The following PCDHA10 variants were observed in gnomAD, a reference collection of about 807,000 sequenced individuals.
PCDHA10 encodes the protein protocadherin alpha-10.
Under a neutral mutation model 61.2 loss-of-function variants are expected in PCDHA10, and 45 were observed. The observed-to-expected ratio is 0.74, with a 90% CI of 0.58 to 0.94. The LOEUF is 0.94. PCDHA10 is among the 40% of genes least tolerant of loss of function. The pLI, the probability that PCDHA10 is intolerant of heterozygous loss-of-function variation, is 0.00. For missense variants in PCDHA10, 1,278 were observed against 1,236.2 expected (o/e 1.03, Z -0.51); for synonymous variants, 602 against 548.8 (o/e 1.10, Z -1.35).
At chr5:140,962,348 C>T (rs2095675606) in intron 1 of PCDHA10, among the ~76,000 whole-genome samples, 1 of 152,130 alleles carries the variant, frequency 6.6e-6, no homozygotes, top group South Asian at 2.1e-4. Flanking sequence ...AGTAAAACTC[C>T]CCCCAATACT....
At chr5:140,884,281 G>C in intron 1 of PCDHA10, 4 of 1,613,614 alleles carry the variant, frequency 2.5e-6, no homozygotes, top group Non-Finnish European at 3.4e-6. Flanking sequence ...CGCTGGTGGA[G>C]AGCGGCCAAG....
intron 1 of PCDHA10, among the ~76,000 whole-genome samples, chr5:140,940,904 GT>G (rs1437754574): frequency 6.6e-6 from 1 of 152,188 alleles, no homozygotes; most frequent in Non-Finnish European, 1.5e-5. Context: ...TTTAAATCAA[GT>G]TCAAGACTTG....
At chr5:140,884,559 C>T (rs782174598) in intron 1 of PCDHA10, 2 of 1,614,094 alleles carry the variant, frequency 1.2e-6, no homozygotes, top group Admixed American at 1.7e-5. Context: ...GGGGAGGGCC[C>T]GCATAAGACG....
chr5:140,870,972 G>A, intron 1 of PCDHA10: 2 of 1,613,640 alleles, frequency 1.2e-6, no homozygotes, highest in Non-Finnish European at 1.7e-6. Flanking sequence ...CGTTCCGCGT[G>A]GGGCTGTACA....
intron 1 of PCDHA10, among the ~76,000 whole-genome samples, chr5:140,977,977 C>T (rs193229659): frequency 2.0e-5 from 3 of 152,222 alleles, no homozygotes; most frequent in South Asian, 2.1e-4. Context: ...CCCATGAAAA[C>T]GCATCTAGAG....
chr5:140,879,227 T>C (rs1474080938), intron 1 of PCDHA10, among the ~76,000 whole-genome samples: 5 of 152,126 alleles, frequency 3.3e-5, no homozygotes, highest in Admixed American at 6.5e-5. Flanking sequence ...GAAAAAGACA[T>C]ATACAAGAGG....
intron 1 of PCDHA10, among the ~76,000 whole-genome samples, chr5:140,891,408 C>G (rs1341322877): frequency 2.0e-5 from 3 of 147,046 alleles, no homozygotes; most frequent in Admixed American, 6.8e-5. Flanking sequence ...TCGCCACCCC[C>G]CACTCTTGCC....
At chr5:140,980,948 G>C (rs72802987) in intron 2 of PCDHA10, among the ~76,000 whole-genome samples, 1 of 152,206 alleles carries the variant, frequency 6.6e-6, no homozygotes, top group Non-Finnish European at 1.5e-5. Flanking sequence ...CTGGCTCCAG[G>C]ATAGTTACAC....
Position 140,857,294 on chromosome 5 carries a change from A to G in PCDHA10, c.1246A>G (p.Arg416Gly). 2 of 1,598,576 alleles carry G rather than the reference A, an allele frequency of 1.3e-6. No homozygotes were observed. Among genetic ancestry groups the G allele is most frequent in the Non-Finnish European group, 1.7e-6 (2 of 1,168,012 alleles). ...GCTGGACAGCGCTCTGGACCGCGAG[A>G]GGGTGTCGGCCTATGAGCTGGTGGT... ...LVLDSALDRE[R>G]VSAYELVVTA... Residue 416 changes from arginine (R) to glycine (G), a missense_variant, in exon 1 of 4, where the codon AGG becomes GGG. By Grantham distance (125) the Arg-to-Gly change is moderately radical. Coordinates refer to ENST00000307360, the MANE Select transcript of PCDHA10 (RefSeq NM_018901.4).
chr5:140,869,465 T>G (rs1291817814), intron 1 of PCDHA10: 7 of 1,614,026 alleles, frequency 4.3e-6, no homozygotes, highest in Non-Finnish European at 5.9e-6. Context: ...CATGTGAACG[T>G]GGAGGTGAAG....
At chr5:141,004,331 C>G (rs1244942275) in intron 3 of PCDHA10, among the ~76,000 whole-genome samples, 1 of 152,210 alleles carries the variant, frequency 6.6e-6, no homozygotes, top group Non-Finnish European at 1.5e-5. Flanking sequence ...AGGTGAGGCA[C>G]AGTGGTCTGT....
intron 1 of PCDHA10, among the ~76,000 whole-genome samples, chr5:140,973,010 T>C (rs2096567986): frequency 6.6e-6 from 1 of 152,080 alleles, no homozygotes; most frequent in Admixed American, 6.6e-5. Context: ...GGTCGTGGTG[T>C]TGTGATTGTT....
chr5:140,875,629 G>A, intron 1 of PCDHA10: 1 of 1,613,758 alleles, frequency 6.2e-7, no homozygotes, highest in Non-Finnish European at 8.5e-7. Flanking sequence ...TCAGGACCTG[G>A]GGCTGGAGCT....
chr5:140,939,894 T>G (rs1554213013), intron 1 of PCDHA10, among the ~76,000 whole-genome samples: 2 of 152,220 alleles, frequency 1.3e-5, no homozygotes, highest in Non-Finnish European at 2.9e-5. Context: ...TGTTCAAATA[T>G]TCTGCATTCT....
At chr5:140,954,340 G>A (rs2095020682) in intron 1 of PCDHA10, among the ~76,000 whole-genome samples, 1 of 152,176 alleles carries the variant, frequency 6.6e-6, no homozygotes, top group Non-Finnish European at 1.5e-5. Flanking sequence ...TCTGCCTCTA[G>A]ATCTTTGAGG....
intron 1 of PCDHA10, among the ~76,000 whole-genome samples, chr5:140,955,549 C>T (rs1216178805): frequency 6.6e-6 from 1 of 152,140 alleles, no homozygotes; most frequent in Non-Finnish European, 1.5e-5. Context: ...TTCTTGAGGC[C>T]TCCCCAGCCA....
intron 1 of PCDHA10, among the ~76,000 whole-genome samples, chr5:140,925,685 G>A (rs1584406507): frequency 7.3e-6 from 1 of 137,694 alleles, no homozygotes; most frequent in South Asian, 2.3e-4. Flanking sequence ...ATAAAGCGAG[G>A]GTGGGTATCT....
chr5:140,918,750 CAG>C (rs2078839943), intron 1 of PCDHA10, among the ~76,000 whole-genome samples: 1 of 152,070 alleles, frequency 6.6e-6, no homozygotes, highest in African/African-American at 2.4e-5. Flanking sequence ...AAAAGAGGCC[CAG>C]AGAGGTGCCT....
intron 1 of PCDHA10, among the ~76,000 whole-genome samples, chr5:140,886,497 T>A (rs2061000599): frequency 6.6e-6 from 1 of 152,160 alleles, no homozygotes; most frequent in Non-Finnish European, 1.5e-5. Context: ...TATATCTTTT[T>A]CCTTTTATGG....
Sources: gnomAD v4.1 joint callset for allele counts (sites outside exome capture counted in the v4.1 genomes callset) on GRCh38, gnomAD v4.1.1 for gene constraint, MANE v1.5 for transcripts, NCBI Gene and HGNC (gene_info 2026-07-23, HGNC 2026-07-21) for gene names.